The following MRPL3 variants were observed in gnomAD, a reference collection of about 807,000 sequenced individuals.
The protein encoded by MRPL3 is mitochondrial ribosomal protein L3.
Under a neutral mutation model 44.3 loss-of-function variants are expected in MRPL3, and 43 were observed. That is an observed-to-expected ratio of 0.97 (90% CI 0.76 to 1.25). The LOEUF is 1.25. MRPL3 is among the 50% of genes most tolerant of loss of function. MRPL3 has a pLI of 0.00. For missense variants in MRPL3, 406 were observed against 427.6 expected (o/e 0.95, Z 0.45); for synonymous variants, 171 against 152.3 (o/e 1.12, Z -0.91).
intron 6 of MRPL3, chr3:131,479,125 G>A (rs368309762): frequency 1.2e-4 from 64 of 517,718 alleles, no homozygotes; most frequent in Non-Finnish European, 2.1e-4. Flanking sequence ...AATTTATCCA[G>A]CCACTGATGA....
intron 6 of MRPL3, among the ~76,000 whole-genome samples, chr3:131,481,724 CTGATT>C (rs1377333964): frequency 2.0e-5 from 3 of 152,194 alleles, no homozygotes; most frequent in African/African-American, 4.8e-5. Context: ...TTCATTTTGA[CTGATT>C]TAAGAGGGAT....
rs750001709 is a variant in MRPL3 at position 131,500,506 on chromosome 3, C to A, written c.293G>T (p.Gly98Val). ...HPWEPGSFRV[G>V]LIALKLGMMP... ...CATGCCCAGCTTCAAGGCAATAAGA[C>A]CAACTCTAAAGGAACCTGGCAATTA... Residue 98 changes from glycine (G) to valine (V), a missense_variant, in exon 3 of 10, where the codon GGT (glycine) becomes GTT (valine). Transcript: ENST00000264995. 6.2e-7 allele frequency: 1 copy of A among 1,613,724 alleles called. No homozygotes were observed. The highest frequency in any genetic ancestry group is 1.1e-5 in the South Asian group (1 of 91,076).
Position 131,487,691 on chromosome 3 carries a change from G to T in MRPL3, c.618C>A (p.Val206=). ...CTATGAGGACCTACGTTTTGGCTGT[G>T]ACATCCACATACTGTCCTGGACGAA... ...AHFRPGQYVD[V]TAKTIGKGFQ... The change falls in exon 6 of 10, where the codon GTC becomes GTA. Residue 206 remains valine, a synonymous_variant. Coordinates refer to ENST00000264995, the MANE Select transcript of MRPL3 (RefSeq NM_007208.4). The T allele has an allele frequency of 1.2e-6, 2 of 1,611,314 alleles. No individual in the cohort carries two copies.
intron 6 of MRPL3, among the ~76,000 whole-genome samples, chr3:131,481,356 T>A (rs1369221736): frequency 6.6e-6 from 1 of 152,226 alleles, no homozygotes; most frequent in Non-Finnish European, 1.5e-5. Context: ...AGCAGCAACA[T>A]CAATAATAGT....
intron 4 of MRPL3, among the ~76,000 whole-genome samples, chr3:131,490,909 A>T (rs988911015): frequency 6.6e-6 from 1 of 152,226 alleles, no homozygotes; most frequent in Non-Finnish European, 1.5e-5. Context: ...TCATGCTGAC[A>T]GATGAGCTCT....
At chr3:131,490,598 T>C (rs1263263608) in intron 4 of MRPL3, among the ~76,000 whole-genome samples, 1 of 152,234 alleles carries the variant, frequency 6.6e-6, no homozygotes, top group Non-Finnish European at 1.5e-5. Flanking sequence ...CTAAGTCACA[T>C]CCTTTTCTAA....
intron 3 of MRPL3, 152 bp downstream of exon 3, chr3:131,500,278 C>T: frequency 1.7e-6 from 1 of 594,984 alleles, no homozygotes; most frequent in Non-Finnish European, 2.9e-6. Flanking sequence ...CCTGAAACCA[C>T]CATAAGTTCT....
chr3:131,477,731 T>C (rs748165565), intron 6 of MRPL3, among the ~76,000 whole-genome samples: 2 of 152,224 alleles, frequency 1.3e-5, no homozygotes. Context: ...AAGATAAGAA[T>C]ACTTTTGAAG....
chr3:131,469,558 A>AC (rs1933696859), intron 8 of MRPL3, 138 bp downstream of exon 8: 2 of 546,254 alleles, frequency 3.7e-6, no homozygotes, highest in South Asian at 4.8e-5. Context: ...ACACACACAC[A>AC]ATTCATGTAT....
intron 6 of MRPL3, 80 bp downstream of exon 6, chr3:131,487,600 G>T: frequency 9.2e-7 from 1 of 1,090,640 alleles, no homozygotes; most frequent in Non-Finnish European, 1.4e-6. Flanking sequence ...TGACTTGAAA[G>T]ACTGTACTTC....
chr3:131,486,281 C>A (rs560240903), intron 6 of MRPL3, among the ~76,000 whole-genome samples: 1 of 138,148 alleles, frequency 7.2e-6, no homozygotes, highest in East Asian at 2.3e-4. Flanking sequence ...GCAAGGACTT[C>A]ATGACTGAAA....
Position 131,500,192 on chromosome 3 carries a change from TAAA to T in MRPL3, c.369+235_369+237del, listed in dbSNP as rs138952618. 0.036 allele frequency among the ~76,000 whole-genome samples: 5,494 copies of T among 151,866 alleles called. 321 individuals are homozygous for T. Among genetic ancestry groups the T allele is most frequent in the African/African-American group, 0.12 (5,163 of 41,412 alleles). ...GATCTGTAAAAGGCTAGGTTATACT[TAAA>T]AAAAAATTCATTGCTCCAGTTATCC... On this transcript the variant is annotated intron_variant, in intron 3 of 9. Coordinates refer to ENST00000264995, the MANE Select transcript of MRPL3 (RefSeq NM_007208.4).
chr3:131,475,666 A>G (rs1446078126), intron 6 of MRPL3, among the ~76,000 whole-genome samples: 2 of 152,244 alleles, frequency 1.3e-5, no homozygotes, highest in South Asian at 4.1e-4. Flanking sequence ...GATAATGTGT[A>G]TACCTGATCA....
At chr3:131,476,562 G>GA (rs1213778986) in intron 6 of MRPL3, among the ~76,000 whole-genome samples, 15 of 151,124 alleles carry the variant, frequency 9.9e-5, no homozygotes, top group Middle Eastern at 3.4e-3. Context: ...AATGATAGCA[G>GA]AAAAAAAATC....
At position 131,462,700 on chromosome 3, in the gene MRPL3, A is replaced by T. The variant is rs754762726; in HGVS notation, c.*23T>A. On this transcript the variant is annotated 3_prime_UTR_variant, in exon 10 of 10. Transcript: ENST00000264995. ...CTCATCGAAGCTCACAGAATATGTA[A>T]GGTTCTGCCACGTCCAAAGATGTTA... is the stretch of plus-strand genomic sequence containing the variant. 6.3e-7 allele frequency: 1 copy of T among 1,596,092 alleles called. No individual in the cohort carries two copies. Among genetic ancestry groups the T allele is most frequent in the Non-Finnish European group, 8.6e-7 (1 of 1,169,098 alleles).
At position 131,468,142 on chromosome 3, in the gene MRPL3, G is replaced by T. The variant is rs774040483; in HGVS notation, c.843C>A (p.Asn281Lys). 21 of 1,593,300 alleles carry T rather than the reference G, an allele frequency of 1.3e-5. No individual in the cohort carries two copies. The highest frequency in any genetic ancestry group is 1.7e-5 in the Non-Finnish European group (20 of 1,171,912). ...LKVWRINTKH[N>K]IIYVNGSVPG... ...GTACAGAGCCATTTACATAGATTAT[G>T]TTGTGCTTTGTGTTTATTCTCCACA... The change falls in exon 9 of 10, where the codon AAC becomes AAA. Residue 281 changes from asparagine to lysine, a missense_variant. By Grantham distance (94) the Asn-to-Lys change is moderately conservative. Transcript: ENST00000264995.
At chr3:131,497,906 G>T in intron 4 of MRPL3, 1 of 371,196 alleles carries the variant, frequency 2.7e-6, no homozygotes, top group East Asian at 5.8e-5. Flanking sequence ...TAGGTATGTA[G>T]TATTTTTGTT....
intron 6 of MRPL3, among the ~76,000 whole-genome samples, chr3:131,484,623 T>A (rs1019156373): frequency 6.6e-6 from 1 of 152,136 alleles, no homozygotes; most frequent in African/African-American, 2.4e-5. Context: ...TATGTGTACA[T>A]GTACAGACGT....
intron 2 of MRPL3, 47 bp from the exon 3 acceptor site, chr3:131,500,568 T>A: frequency 6.8e-7 from 1 of 1,478,056 alleles, no homozygotes; most frequent in Non-Finnish European, 9.4e-7. Context: ...TTTGCAACAT[T>A]CACCAACATT....
Sources: gnomAD v4.1 joint callset for allele counts (sites outside exome capture counted in the v4.1 genomes callset) on GRCh38, gnomAD v4.1.1 for gene constraint, MANE v1.5 for transcripts, NCBI Gene and HGNC (gene_info 2026-07-23, HGNC 2026-07-21) for gene names.